Variants in FIGN observed in about 807,000 individuals in gnomAD.
The protein encoded by FIGN is fidgetin, microtubule severing factor, also known as fidgetin.
Under a neutral mutation model 51.3 loss-of-function variants are expected in FIGN, and 11 were observed. That is an observed-to-expected ratio of 0.21 (90% CI 0.13 to 0.35). FIGN has a LOEUF of 0.35. Ranked by LOEUF, FIGN falls within the 10% of genes least tolerant of loss-of-function variation. The pLI is 1.00. For synonymous variants in FIGN, 407 were observed against 363.2 expected (o/e 1.12, Z -1.37); for missense variants, 857 against 943.6 (o/e 0.91, Z 1.20).
intron 2 of FIGN, among the ~76,000 whole-genome samples, chr2:163,623,373 G>A (rs1683003266): frequency 1.3e-5 from 2 of 152,030 alleles, no homozygotes; most frequent in African/African-American, 4.8e-5. Context: ...AAGAAATTCT[G>A]CACTTATAAA....
At chr2:163,734,499 T>A (rs1684983445) in intron 2 of FIGN, among the ~76,000 whole-genome samples, 1 of 148,698 alleles carries the variant, frequency 6.7e-6, no homozygotes, top group Non-Finnish European at 1.5e-5. Flanking sequence ...ACACTTTCAT[T>A]AGTTAGTAAT....
chr2:163,720,210 G>A (rs900857428), intron 2 of FIGN, among the ~76,000 whole-genome samples: 1 of 152,108 alleles, frequency 6.6e-6, no homozygotes, highest in African/African-American at 2.4e-5. Context: ...TGTCTTTAAA[G>A]AGAAACATTT....
chr2:163,704,029 G>A lies in FIGN; in HGVS notation c.25+30874C>T, dbSNP rs191835708. Among the ~76,000 whole-genome samples the A allele has an allele frequency of 5.3e-3, 803 of 151,970 alleles. 4 individuals are homozygous for A. The highest frequency in any genetic ancestry group is 0.018 in the African/African-American group (754 of 41,466). ...CTATTCTGAATTGCTGTTTTGTTTG[G>A]AAAAGGGGGAAAAAAAAGTCTGTGT... On this transcript the variant is annotated intron_variant, in intron 2 of 2. Transcript: ENST00000333129.
rs1684993042 is a variant in FIGN at position 163,735,011 on chromosome 2, C to T, written c.-84G>A. 7.0e-7 allele frequency: 1 copy of T among 1,435,640 alleles called. No homozygotes were observed. The highest frequency in any genetic ancestry group is 9.7e-7 in the Non-Finnish European group (1 of 1,029,188). 88.9% of individuals were successfully genotyped at this position (1,435,640 alleles called of 1,614,324 possible). On this transcript the variant is annotated 5_prime_UTR_variant, in exon 2 of 3. Transcript: ENST00000333129. Reference sequence around the variant, plus strand: ...TTGCTTTTCATTAAAGCCACTTTTCCTCTCAGCTATCAAATGTCACTGCCT... The same window carrying T: ...TTGCTTTTCATTAAAGCCACTTTTCTTCTCAGCTATCAAATGTCACTGCCT...
chr2:163,646,981 T>C (rs1341485651), intron 2 of FIGN, among the ~76,000 whole-genome samples: 1 of 152,298 alleles, frequency 6.6e-6, no homozygotes, highest in East Asian at 1.9e-4. Flanking sequence ...CAGTTCCCTT[T>C]TGGTATAGAT....
chr2:163,652,335 CA>C (rs1188447326), intron 2 of FIGN, among the ~76,000 whole-genome samples: 21 of 142,254 alleles, frequency 1.5e-4, no homozygotes, highest in Non-Finnish European at 2.6e-4. Flanking sequence ...GGACCATATC[CA>C]TTAACCAACA....
chr2:163,669,199 C>T (rs1026789332), intron 2 of FIGN, among the ~76,000 whole-genome samples: 4 of 151,896 alleles, frequency 2.6e-5, no homozygotes, highest in Admixed American at 2.6e-4. Flanking sequence ...AACAACTAAA[C>T]AAACACTACT....
At chr2:163,638,712 T>C (rs1404623590) in intron 2 of FIGN, among the ~76,000 whole-genome samples, 7 of 152,204 alleles carry the variant, frequency 4.6e-5, no homozygotes, top group African/African-American at 1.7e-4. Context: ...ACATGCTTTA[T>C]GGTTAGTTTT....
chr2:163,657,520 G>GTGTA (rs1683580950), intron 2 of FIGN, among the ~76,000 whole-genome samples: 1 of 152,008 alleles, frequency 6.6e-6, no homozygotes, highest in South Asian at 2.1e-4. Context: ...GTGTGTGTGT[G>GTGTA]TGTGTGTGTG....
chr2:163,683,883 GGTT>G (rs1684103667), intron 2 of FIGN, among the ~76,000 whole-genome samples: 1 of 152,140 alleles, frequency 6.6e-6, no homozygotes, highest in South Asian at 2.1e-4. Context: ...TTTTTATTAA[GGTT>G]GTTTTTTTTC....
rs1348453401 is a variant in FIGN, at chr2:163,605,719, G to A, written c.*3833C>T. 6.6e-6 allele frequency: 1 copy of A among 151,880 alleles called. No homozygotes were observed. The highest frequency in any genetic ancestry group is 2.4e-5 in the African/African-American group (1 of 41,362). The allele number at this position is 151,880 out of a possible 1,614,324, so 9.4% of individuals were successfully genotyped here. On this transcript the variant is annotated 3_prime_UTR_variant, in exon 3 of 3. Coordinates refer to ENST00000333129, the MANE Select transcript of FIGN (RefSeq NM_018086.4). ...CGTCCCTTTCACTTTGCAAAATACA[G>A]ATTCAATGATCATGCTACCCAATTC...
chr2:163,620,342 C>T (rs1458412797), intron 2 of FIGN, among the ~76,000 whole-genome samples: 1 of 152,134 alleles, frequency 6.6e-6, no homozygotes, highest in African/African-American at 2.4e-5. Flanking sequence ...ACCCTTCCCC[C>T]CAGATCATCA....
At chr2:163,695,178 G>A (rs1478793868) in intron 2 of FIGN, among the ~76,000 whole-genome samples, 2 of 152,056 alleles carry the variant, frequency 1.3e-5, no homozygotes, top group Non-Finnish European at 2.9e-5. Flanking sequence ...TTCCTTAGAA[G>A]GTGTCTATAT....
chr2:163,659,953 T>C (rs1360316791), intron 2 of FIGN, among the ~76,000 whole-genome samples: 1 of 151,920 alleles, frequency 6.6e-6, no homozygotes, highest in Non-Finnish European at 1.5e-5. Flanking sequence ...AATAAAAAAA[T>C]TAGCTAGGCA....
chr2:163,610,045 T>C lies in FIGN; in HGVS notation c.1787A>G (p.Asn596Ser), dbSNP rs1691202155. ...CCGACTGACTGGACTATGTTCCTCATTCACTTGAGAGGAGAGAAGCATGTC... is the reference window on the plus strand; with the variant it reads ...CCGACTGACTGGACTATGTTCCTCACTCACTTGAGAGGAGAGAAGCATGTC... Reference protein sequence around the residue: ...DIDMLLSSQVNEEHSPVSRMR... With the variant: ...DIDMLLSSQVSEEHSPVSRMR... The change falls in exon 3 of 3, where the codon AAT becomes AGT. Residue 596 changes from asparagine to serine, a missense_variant. Transcript: ENST00000333129. 5 of 1,613,980 alleles carry C rather than the reference T, an allele frequency of 3.1e-6. No homozygotes were observed. Among genetic ancestry groups the C allele is most frequent in the Non-Finnish European group, 4.2e-6 (5 of 1,180,004 alleles).
intron 2 of FIGN, among the ~76,000 whole-genome samples, chr2:163,699,260 T>A (rs891279682): frequency 1.3e-5 from 2 of 152,188 alleles, no homozygotes; most frequent in African/African-American, 4.8e-5. Flanking sequence ...TTTTATCAGA[T>A]GTTTTTAGTT....
chr2:163,638,489 A>C (rs1222147446), intron 2 of FIGN, among the ~76,000 whole-genome samples: 12 of 152,108 alleles, frequency 7.9e-5, no homozygotes. Flanking sequence ...ACAAGTCTTA[A>C]AGAACAATTA....
chr2:163,702,814 G>A (rs563597750), intron 2 of FIGN, among the ~76,000 whole-genome samples: 1 of 152,120 alleles, frequency 6.6e-6, no homozygotes, highest in South Asian at 2.1e-4. Flanking sequence ...CTGTTTCATT[G>A]CTGTAAACCT....
chr2:163,680,923 T>C (rs939819025), intron 2 of FIGN, among the ~76,000 whole-genome samples: 5 of 152,180 alleles, frequency 3.3e-5, no homozygotes, highest in African/African-American at 1.2e-4. Flanking sequence ...TAAGCTATAA[T>C]AGTAACATAT....
Sources: gnomAD v4.1 joint callset for allele counts (sites outside exome capture counted in the v4.1 genomes callset) on GRCh38, gnomAD v4.1.1 for gene constraint, MANE v1.5 for transcripts, NCBI Gene and HGNC (gene_info 2026-07-23, HGNC 2026-07-21) for gene names.